Variants in USP30 observed in about 807,000 individuals in gnomAD.
USP30 encodes ubiquitin specific peptidase 30, also known as ubiquitin carboxyl-terminal hydrolase 30.
Under a neutral mutation model 68.2 loss-of-function variants are expected in USP30, and 41 were observed. The ratio of observed to expected loss-of-function variants is 0.60; its 90% CI spans 0.47 to 0.78. USP30 has a LOEUF of 0.78. Ranked by LOEUF, USP30 falls within the 30% of genes least tolerant of loss-of-function variation. The pLI, the probability that USP30 is intolerant of heterozygous loss-of-function variation, is 0.00. For synonymous variants in USP30, 229 were observed against 253.7 expected, an observed-to-expected ratio of 0.90 and a Z score of 0.93; for missense variants, 522 against 649.4, an observed-to-expected ratio of 0.80 and a Z score of 2.13.
chr12:109,054,210 A>T (rs1593236879), intron 1 of USP30, among the ~76,000 whole-genome samples: 1 of 152,300 alleles, frequency 6.6e-6, no homozygotes, highest in Non-Finnish European at 1.5e-5. Context: ...ACAGTGATGT[A>T]TTAAGAAACT....
intron 1 of USP30, among the ~76,000 whole-genome samples, chr12:109,055,716 A>G (rs1284102752): frequency 6.6e-6 from 1 of 150,846 alleles, no homozygotes; most frequent in Non-Finnish European, 1.5e-5. Context: ...ATTATTGAGA[A>G]CCTACTATGT....
At chr12:109,042,119 T>C (rs1431054042) in intron 3 of USP30, among the ~76,000 whole-genome samples, 1 of 151,644 alleles carries the variant, frequency 6.6e-6, no homozygotes, top group Non-Finnish European at 1.5e-5. Flanking sequence ...CACCCACACA[T>C]AGGTATCTTC....
intron 3 of USP30, among the ~76,000 whole-genome samples, chr12:109,066,414 AG>A (rs2041252924): frequency 6.6e-6 from 1 of 152,204 alleles, no homozygotes; most frequent in African/African-American, 2.4e-5. Flanking sequence ...GGGTGGGTGC[AG>A]TGGCTTGCAC....
At chr12:109,072,429 AT>A (rs1328292024) in intron 6 of USP30, 79 bp downstream of exon 6, 6 of 1,447,094 alleles carry the variant, frequency 4.1e-6, no homozygotes, top group Admixed American at 1.8e-5. Flanking sequence ...TTTTAAAAAG[AT>A]TTTTTTCTGG....
chr12:109,032,281 G>A (rs2040488405), intron 3 of USP30, among the ~76,000 whole-genome samples: 2 of 152,120 alleles, frequency 1.3e-5, no homozygotes, highest in African/African-American at 2.4e-5. Context: ...TCCAGCCTGG[G>A]AGATAGAATG....
chr12:109,081,623 G>GCACACACACACACACACA, intron 8 of USP30: 2 of 499,556 alleles, frequency 4.0e-6, no homozygotes, highest in Non-Finnish European at 7.1e-6. Flanking sequence ...ACGCATGCGC[G>GCACACACACACACACACA]CACACACACA....
At chr12:109,068,527 T>C (rs1447705259) in intron 4 of USP30, among the ~76,000 whole-genome samples, 1 of 152,258 alleles carries the variant, frequency 6.6e-6, no homozygotes, top group Admixed American at 6.5e-5. Context: ...TCTTAAAATG[T>C]ATCTCAGTTA....
chr12:109,075,105 C>G (rs1353718875), intron 7 of USP30, among the ~76,000 whole-genome samples: 1 of 152,202 alleles, frequency 6.6e-6, no homozygotes, highest in Non-Finnish European at 1.5e-5. Context: ...TCTCATTCAT[C>G]TGTCTGTGGA....
intron 1 of USP30, among the ~76,000 whole-genome samples, chr12:109,055,369 C>CATATATATACATATATATATATACATAT (rs1329701849): frequency 4.4e-5 from 3 of 68,794 alleles, no homozygotes; most frequent in African/African-American, 1.0e-4. Context: ...TACACACACA[C>CATATATATACATATATATATATACATAT]ATATATATAC....
At chr12:109,045,433 CAGAT>C (rs2040596116) in intron 3 of USP30, among the ~76,000 whole-genome samples, 1 of 150,582 alleles carries the variant, frequency 6.6e-6, no homozygotes, top group South Asian at 2.1e-4. Context: ...ATGTGGGGTG[CAGAT>C]CACAGTGGGG....
chr12:109,032,731 T>A (rs2040491214), intron 3 of USP30, among the ~76,000 whole-genome samples: 1 of 152,354 alleles, frequency 6.6e-6, no homozygotes, highest in Admixed American at 6.5e-5. Context: ...AAAGTAGATG[T>A]GATAGTTGCA....
rs112713423 is a variant in USP30, at chr12:109,040,625, G to A, written c.-135-6965G>A. On this transcript the variant is annotated intron_variant, in intron 3 of 15. Transcript: ENST00000392784. ...TGTGGTCTCATCTGAAGACTTGACTGGGGCTGGAGGATCCACTTTCAAGAT... is the reference window on the plus strand; with the variant it reads ...TGTGGTCTCATCTGAAGACTTGACTAGGGCTGGAGGATCCACTTTCAAGAT... Among the ~76,000 whole-genome samples, 322 of 152,274 alleles carry A rather than the reference G, an allele frequency of 2.1e-3. 1 individual carries two copies. The highest frequency in any genetic ancestry group is 7.0e-3 in the African/African-American group (292 of 41,566).
At chr12:109,065,611 A>G (rs182712801) in intron 3 of USP30, among the ~76,000 whole-genome samples, 20 of 152,334 alleles carry the variant, frequency 1.3e-4, no homozygotes, top group Non-Finnish European at 2.5e-4. Context: ...ATACAGATGT[A>G]AGATTTGATT....
At chr12:109,047,565 A>C (rs191440246) in intron 3 of USP30, 1 of 152,220 alleles carries the variant, frequency 6.6e-6, no homozygotes, top group African/African-American at 2.4e-5. Flanking sequence ...ATACATGTTC[A>C]TGTGAAAGCA....
At chr12:109,071,749 G>C in intron 5 of USP30, 39 bp downstream of exon 5, 1 of 1,571,110 alleles carries the variant, frequency 6.4e-7, no homozygotes, top group Non-Finnish European at 8.7e-7. Flanking sequence ...TGTGCAGCTT[G>C]TGCATATTTA....
chr12:109,046,944 G>A (rs568874825), intron 3 of USP30, among the ~76,000 whole-genome samples: 26 of 152,178 alleles, frequency 1.7e-4, no homozygotes, highest in Middle Eastern at 3.4e-3. Context: ...TGATCCACCC[G>A]CCTGGGCCTC....
chr12:109,072,340 C>A lies in USP30; in HGVS notation c.615C>A (p.Cys205Ter). 6.2e-7 allele frequency: 1 copy of A among 1,613,442 alleles called. No individual in the cohort carries two copies. Among genetic ancestry groups the A allele is most frequent in the Non-Finnish European group, 8.5e-7 (1 of 1,179,636 alleles). ...AAATAACTCCCAAACAAATTACCTG[C>A]CGCACAAGAGGTAGCTGTTTTCCAT... ...QSEITPKQIT[C>*]RTRGSPHPTS... The change falls in exon 6 of 13, where the codon TGC becomes TGA. Residue 205 changes from cysteine (C) to a stop codon, truncating the protein, a stop_gained. Coordinates refer to ENST00000257548, the MANE Select transcript of USP30 (RefSeq NM_032663.5). LOFTEE classifies it high-confidence loss of function.
intron 3 of USP30, among the ~76,000 whole-genome samples, chr12:109,044,960 C>A (rs1009810842): frequency 7.9e-6 from 1 of 126,976 alleles, no homozygotes; most frequent in African/African-American, 2.9e-5. Flanking sequence ...AATCTGCATT[C>A]TTTTCATTAC....
chr12:109,067,766 C>G lies in USP30; in HGVS notation c.480+139C>G, dbSNP rs147320109. 447 of 664,892 alleles carry G rather than the reference C, an allele frequency of 6.7e-4. 2 individuals are homozygous for G. The African/African-American group carries it at 7.6e-3, about 11-fold the overall frequency. The allele number at this position is 664,892 out of a possible 1,614,324, so 41.2% of individuals were successfully genotyped here. ...CTTTAGTGTTCTGGGACCAGAGTAC[C>G]AACTTTGTTCCTGCTCTCATGATCA... On this transcript the variant is annotated intron_variant, in intron 4 of 12. Coordinates refer to ENST00000257548, the MANE Select transcript of USP30 (RefSeq NM_032663.5).
Sources: gnomAD v4.1 joint callset for allele counts (sites outside exome capture counted in the v4.1 genomes callset) on GRCh38, gnomAD v4.1.1 for gene constraint, MANE v1.5 for transcripts, NCBI Gene and HGNC (gene_info 2026-07-23, HGNC 2026-07-21) for gene names.